The following AKAP7 variants were observed in gnomAD, a reference collection of about 807,000 sequenced individuals.
The protein encoded by AKAP7 is A-kinase anchoring protein 7, also known as A kinase (PRKA) anchor protein 7.
Under a neutral mutation model 39.5 loss-of-function variants are expected in AKAP7, and 39 were observed. The ratio of observed to expected loss-of-function variants is 0.99; its 90% confidence interval spans 0.76 to 1.29. AKAP7 has a LOEUF of 1.29. Among genes scored for constraint, AKAP7 ranks in the 50% most tolerant of loss-of-function variants. AKAP7 has a pLI of 0.00. For synonymous variants in AKAP7, 140 were observed against 139.1 expected, an observed-to-expected ratio of 1.01 and a Z score of -0.05; for missense variants, 414 against 407.7, an observed-to-expected ratio of 1.02 and a Z score of -0.13.
chr6:131,256,079 TGG>T (rs1812823137), intron 7 of AKAP7, among the ~76,000 whole-genome samples: 2 of 152,180 alleles, frequency 1.3e-5, no homozygotes, highest in South Asian at 4.1e-4. Flanking sequence ...CGGGGTGCCA[TGG>T]GGCTGAGAGC....
At chr6:131,209,049 A>G (rs1385026145) in intron 6 of AKAP7, among the ~76,000 whole-genome samples, 1 of 152,236 alleles carries the variant, frequency 6.6e-6, no homozygotes. Flanking sequence ...ACAGTTGTAT[A>G]GTCTACTCAG....
chr6:131,276,609 A>C (rs1814765699), intron 7 of AKAP7, among the ~76,000 whole-genome samples: 1 of 152,168 alleles, frequency 6.6e-6, no homozygotes, highest in Admixed American at 6.5e-5. Flanking sequence ...GGGAACAGGA[A>C]GTTCCAGTGA....
chr6:131,207,541 C>T (rs1450080205), intron 6 of AKAP7, among the ~76,000 whole-genome samples: 3 of 125,528 alleles, frequency 2.4e-5, no homozygotes, highest in African/African-American at 9.3e-5. Flanking sequence ...TGCTATGTTG[C>T]CCAGGCTGGT....
At chr6:131,140,400 T>C (rs1275870100) in intron 1 of AKAP7, among the ~76,000 whole-genome samples, 17 of 152,230 alleles carry the variant, frequency 1.1e-4, no homozygotes, top group African/African-American at 4.8e-5. Context: ...TGGTGATTAA[T>C]TGAGCTCAGG....
intron 7 of AKAP7, among the ~76,000 whole-genome samples, chr6:131,255,693 C>T (rs1042127578): frequency 3.3e-5 from 5 of 151,740 alleles, no homozygotes; most frequent in South Asian, 2.1e-4. Flanking sequence ...TACATCCTGT[C>T]TGTCTGAGCA....
chr6:131,268,614 GAT>G (rs890819559), intron 7 of AKAP7, among the ~76,000 whole-genome samples: 6 of 152,116 alleles, frequency 3.9e-5, no homozygotes, highest in Non-Finnish European at 7.4e-5. Flanking sequence ...TATTTTACTA[GAT>G]TACATTAATG....
At chr6:131,266,797 T>C (rs1813838661) in intron 7 of AKAP7, among the ~76,000 whole-genome samples, 3 of 152,194 alleles carry the variant, frequency 2.0e-5, no homozygotes, top group South Asian at 4.1e-4. Context: ...TTGATTTTGT[T>C]GTAATGATTA....
chr6:131,180,816 T>C (rs1394696780), intron 5 of AKAP7, among the ~76,000 whole-genome samples: 4 of 103,090 alleles, frequency 3.9e-5, no homozygotes, highest in Non-Finnish European at 9.1e-5. Context: ...GACACCACTT[T>C]CTTTTTTTGT....
chr6:131,184,546 C>T (rs554398202), intron 5 of AKAP7: 5 of 719,518 alleles, frequency 6.9e-6, no homozygotes, highest in Admixed American at 5.4e-5. Flanking sequence ...AGCAGTATGT[C>T]TTCACTGCCC....
chr6:131,228,899 G>A (rs1282530254), intron 7 of AKAP7, among the ~76,000 whole-genome samples: 5 of 152,258 alleles, frequency 3.3e-5, no homozygotes, highest in East Asian at 1.9e-4. Flanking sequence ...GCAGTTTCAC[G>A]TAAGAATGTT....
intron 4 of AKAP7, among the ~76,000 whole-genome samples, chr6:131,167,237 A>G (rs1462052619): frequency 1.3e-5 from 2 of 152,186 alleles, no homozygotes; most frequent in Non-Finnish European, 2.9e-5. Flanking sequence ...AAAGTTAGTG[A>G]TACTCCCAGT....
Position 131,281,483 on chromosome 6 carries a change from A to G in AKAP7, c.851-47A>G. The G allele has an allele frequency of 6.9e-7, 1 of 1,459,520 alleles. No individual in the cohort carries two copies. Among genetic ancestry groups the G allele is most frequent in the Non-Finnish European group, 9.2e-7 (1 of 1,085,936 alleles). 90.4% of individuals were successfully genotyped at this position (1,459,520 alleles called of 1,614,324 possible). A position where few individuals can be genotyped will look rare whatever the true frequency, so the allele number is the denominator to read the frequency against. ...GCCGGCCCCTGCATGCCAAGTTTCT[A>G]TGGCAATGTGATCTCAGTGACCTCT... On this transcript the variant is annotated intron_variant, in intron 7 of 7. Transcript: ENST00000431975. The surrounding 1 kb of genome is among the most constrained non-coding windows in gnomAD (Gnocchi z 4.0).
At chr6:131,196,687 T>G (rs149457581) in intron 5 of AKAP7, among the ~76,000 whole-genome samples, 19 of 152,296 alleles carry the variant, frequency 1.2e-4, no homozygotes, top group African/African-American at 4.6e-4. Flanking sequence ...TAGAATTGGC[T>G]TAATAGTATT....
chr6:131,163,842 G>T (rs907680438), intron 3 of AKAP7, among the ~76,000 whole-genome samples: 32 of 152,176 alleles, frequency 2.1e-4, no homozygotes, highest in African/African-American at 7.5e-4. Flanking sequence ...TATGGAGGGT[G>T]GTTAGACACC....
In AKAP7 at chr6:131,282,402, A is replaced by G; in HGVS notation, c.*676A>G. 4 of 1,480,632 alleles carry G rather than the reference A, an allele frequency of 2.7e-6. No homozygotes were observed. Among genetic ancestry groups the G allele is most frequent in the Non-Finnish European group, 3.6e-6 (4 of 1,118,164 alleles). 91.7% of individuals were successfully genotyped at this position (1,480,632 alleles called of 1,614,324 possible). On this transcript the variant is annotated 3_prime_UTR_variant, in exon 8 of 8. Coordinates refer to ENST00000431975, the MANE Select transcript of AKAP7 (RefSeq NM_016377.4). Reference sequence around the variant, plus strand: ...TTATATAATTTTTTTTTCTTAGGCAAGAAACCTATTGGAATTCGAGACTTA... The same window carrying G: ...TTATATAATTTTTTTTTCTTAGGCAGGAAACCTATTGGAATTCGAGACTTA...
chr6:131,255,905 C>T (rs1812804428), intron 7 of AKAP7, among the ~76,000 whole-genome samples: 1 of 152,168 alleles, frequency 6.6e-6, no homozygotes, highest in African/African-American at 2.4e-5. Context: ...TTTTCTCCTC[C>T]TCTTAATTTA....
intron 7 of AKAP7, among the ~76,000 whole-genome samples, chr6:131,233,018 A>C (rs1317667): frequency 2.0e-5 from 3 of 151,534 alleles, no homozygotes; most frequent in Non-Finnish European, 4.4e-5. Context: ...AGATGCTTAT[A>C]TGTGTGTGTA....
the AKAP7 span, among the ~76,000 whole-genome samples, chr6:131,130,396 C>G: frequency 6.6e-6 from 1 of 152,160 alleles, no homozygotes; most frequent in Non-Finnish European, 1.5e-5. Context: ...CTCCTGAGTT[C>G]GAGCGATTCT....
intron 3 of AKAP7, among the ~76,000 whole-genome samples, chr6:131,161,975 A>C (rs1409267589): frequency 2.0e-5 from 3 of 152,116 alleles, no homozygotes; most frequent in Non-Finnish European, 4.4e-5. Context: ...TTGATTTGAC[A>C]GATGTTCGAT....
Sources: allele counts gnomAD v4.1 joint callset (sites outside exome capture counted in the v4.1 genomes callset), GRCh38; gene constraint gnomAD v4.1.1; non-coding constraint Gnocchi (gnomAD v3.1); transcripts MANE v1.5; gene names NCBI Gene and HGNC (gene_info 2026-07-23, HGNC 2026-07-21).